LOXHD1: variants seen among roughly 807,000 people sequenced by gnomAD.
LOXHD1 encodes the protein lipoxygenase homology PLAT domains 1, also known as lipoxygenase homology domain-containing protein 1.
LOXHD1 carries 205 observed loss-of-function variants against 248.2 expected under a neutral mutation model. The observed-to-expected ratio is 0.83, with a 90% CI of 0.74 to 0.93. The LOEUF is 0.93. LOXHD1 is among the 40% of genes least tolerant of loss of function. LOXHD1 has a pLI of 0.00. For missense variants in LOXHD1, 2,930 were observed against 2,971.6 expected (o/e 0.99, Z 0.33); for synonymous variants, 1,113 against 1,162.8 (o/e 0.96, Z 0.87).
In LOXHD1 at chr18:46,639,718, G is replaced by A. The variant is rs369244277; in HGVS notation, c.409C>T (p.Arg137Cys). 4.0e-5 allele frequency: 62 copies of A among 1,551,568 alleles called. No individual in the cohort carries two copies. Among genetic ancestry groups the A allele is most frequent in the South Asian group, 5.9e-5 (5 of 84,058 alleles). ...CAGTTGTTGCAGTTGAAGTAGTAAC[G>A]GAGATGAGGCCTCTTCATGTCGGTC... Reference protein sequence around the residue: ...IVTDMKRPHLRYYFNCNNWLS... With the variant: ...IVTDMKRPHLCYYFNCNNWLS... The change falls in exon 4 of 41, where the codon CGT becomes TGT. Residue 137 changes from arginine (R) to cysteine (C), a missense_variant. Transcript: ENST00000642948.
At chr18:46,510,919 A>T (rs1321447311) in intron 34 of LOXHD1, among the ~76,000 whole-genome samples, 1 of 152,246 alleles carries the variant, frequency 6.6e-6, no homozygotes, top group Non-Finnish European at 1.5e-5. Flanking sequence ...CTCATGTCAC[A>T]TTCATGTCAC....
chr18:46,553,439 C>T (rs143855227), intron 21 of LOXHD1, among the ~76,000 whole-genome samples: 167 of 152,298 alleles, frequency 1.1e-3, no homozygotes, highest in African/African-American at 3.7e-3. Flanking sequence ...CCTCCTAGAC[C>T]ATCAGGGTTC....
At chr18:46,614,744 A>T (rs985964417) in intron 5 of LOXHD1, among the ~76,000 whole-genome samples, 1 of 147,428 alleles carries the variant, frequency 6.8e-6, no homozygotes, top group Non-Finnish European at 1.5e-5. Flanking sequence ...AAATAAATAA[A>T]TAACTTTTTA....
intron 17 of LOXHD1, among the ~76,000 whole-genome samples, chr18:46,564,977 G>C (rs2037608044): frequency 6.6e-6 from 1 of 152,148 alleles, no homozygotes; most frequent in Non-Finnish European, 1.5e-5. Context: ...GAAATGCAGA[G>C]GTGAGGCCAG....
chr18:46,581,254 G>A (rs2037955993), intron 12 of LOXHD1, among the ~76,000 whole-genome samples: 1 of 152,200 alleles, frequency 6.6e-6, no homozygotes, highest in Admixed American at 6.5e-5. Flanking sequence ...TAGCAATATA[G>A]TTTGGATGCT....
At chr18:46,598,773 T>C (rs917169781) in intron 8 of LOXHD1, among the ~76,000 whole-genome samples, 3 of 152,104 alleles carry the variant, frequency 2.0e-5, no homozygotes, top group African/African-American at 7.2e-5. Flanking sequence ...TCACAAAATA[T>C]AAAACTATAT....
At chr18:46,622,842 G>A (rs771046975) in intron 4 of LOXHD1, among the ~76,000 whole-genome samples, 9 of 152,214 alleles carry the variant, frequency 5.9e-5, no homozygotes, top group Non-Finnish European at 1.3e-4. Flanking sequence ...GGGACAGAGG[G>A]CAGCACCGCT....
rs551184983 is a variant in LOXHD1 at position 46,597,759 on chromosome 18, CT to C, written c.1135-3294del. ...TGCTACTCATGAACATAGAAAAATT[CT>C]TTTTTTTTTTTTTTGAGATGGAGTC... On this transcript the variant is annotated intron_variant, in intron 8 of 40. Coordinates refer to ENST00000642948, the MANE Select transcript of LOXHD1 (RefSeq NM_001384474.1). 6.8e-3 allele frequency among the ~76,000 whole-genome samples: 955 copies of C among 141,378 alleles called. 4 individuals are homozygous for C. Among genetic ancestry groups the C allele is most frequent in the African/African-American group, 0.015 (593 of 38,802 alleles). 92.7% of individuals were successfully genotyped at this position (141,378 alleles called of 152,430 possible).
chr18:46,577,579 T>G (rs147592692), intron 14 of LOXHD1, 128 bp downstream of exon 14: 3 of 1,100,172 alleles, frequency 2.7e-6, no homozygotes, highest in Non-Finnish European at 3.8e-6. Context: ...GGTCACCTCT[T>G]TCTTGCACCA....
At chr18:46,494,733 G>A (rs557474169) in intron 37 of LOXHD1, among the ~76,000 whole-genome samples, 2 of 152,070 alleles carry the variant, frequency 1.3e-5, no homozygotes, top group African/African-American at 4.8e-5. Context: ...GATTTCTGAG[G>A]TTCTTTACAT....
In LOXHD1 at chr18:46,560,252, C is replaced by G. The variant is rs561687256; in HGVS notation, c.2892G>C (p.Ser964=). Reference sequence around the variant, plus strand: ...CTTCTTCCATCTCCTCCTCCTCTGACGAGGACTCCTCTGATGAGGACGACT... The same window carrying G: ...CTTCTTCCATCTCCTCCTCCTCTGAGGAGGACTCCTCTGATGAGGACGACT... ...EEESSSSEES[S]SEEEEMEEEE... is the part of the protein sequence containing the mutation. The change falls in exon 19 of 41, where the codon TCG becomes TCC. Residue 964 remains serine, a synonymous_variant. Transcript: ENST00000642948. The G allele has an allele frequency of 1.9e-6, 3 of 1,551,366 alleles. No individual in the cohort carries two copies. The highest frequency in any genetic ancestry group is 2.6e-6 in the Non-Finnish European group (3 of 1,146,522).
intron 1 of LOXHD1, among the ~76,000 whole-genome samples, chr18:46,649,867 A>G (rs1375134748): frequency 6.6e-6 from 1 of 152,164 alleles, no homozygotes; most frequent in African/African-American, 2.4e-5. Flanking sequence ...GTACAATTAT[A>G]GCCCTATCGA....
chr18:46,632,639 C>A (rs1187282087), intron 4 of LOXHD1, among the ~76,000 whole-genome samples: 1 of 152,202 alleles, frequency 6.6e-6, no homozygotes, highest in South Asian at 2.1e-4. Context: ...AGAAGGGATG[C>A]CAACAAGCAG....
rs1446324661 is a variant in LOXHD1 at position 46,618,300 on chromosome 18, A to T, written c.512-10T>A. On this transcript the variant is annotated splice_polypyrimidine_tract_variant and intron_variant, in intron 4 of 40. Coordinates refer to ENST00000642948, the MANE Select transcript of LOXHD1 (RefSeq NM_001384474.1). Reference sequence around the variant, plus strand: ...ACTTCATACTTATTACCTAGGAACAAGGAGAGAGAAAAACCTTAGCTCATC... The same window carrying T: ...ACTTCATACTTATTACCTAGGAACATGGAGAGAGAAAAACCTTAGCTCATC... The T allele has an allele frequency of 5.8e-6, 9 of 1,539,426 alleles. No homozygotes were observed. The highest frequency in any genetic ancestry group is 7.9e-6 in the Non-Finnish European group (9 of 1,136,514).
intron 32 of LOXHD1, 111 bp downstream of exon 32, chr18:46,521,990 G>T: frequency 1.2e-6 from 1 of 849,662 alleles, no homozygotes. Flanking sequence ...TCTAAGGGGT[G>T]CTGCAGGTAG....
rs940988053 is a variant in LOXHD1, at chr18:46,572,229, T to C, written c.1971-67A>G. The C allele has an allele frequency of 2.0e-4, 281 of 1,380,928 alleles. 1 individual carries two copies. The African/African-American group carries it at 3.7e-3, about 18-fold the overall frequency. The allele number at this position is 1,380,928 out of a possible 1,614,324, so 85.5% of individuals were successfully genotyped here. ...AGGCAGACAATCAAAGCTTCACCCA[T>C]TCATGCAGAGTCACTATGGAGGCCC... On this transcript the variant is annotated intron_variant, in intron 14 of 40. Transcript: ENST00000642948.
intron 22 of LOXHD1, among the ~76,000 whole-genome samples, chr18:46,546,459 A>G (rs1314548249): frequency 6.6e-6 from 1 of 150,900 alleles, no homozygotes; most frequent in Non-Finnish European, 1.5e-5. Context: ...ATTTCAATAC[A>G]TTCCATTCCA....
At chr18:46,587,170 T>C (rs2038077922) in intron 12 of LOXHD1, among the ~76,000 whole-genome samples, 1 of 152,210 alleles carries the variant, frequency 6.6e-6, no homozygotes, top group African/African-American at 2.4e-5. Flanking sequence ...AAAATTCAAA[T>C]ACTAAATGCT....
Position 46,522,803 on chromosome 18 carries a change from AAC to A in LOXHD1, c.4877-496_4877-495del, listed in dbSNP as rs1362018549. 5.3e-5 allele frequency among the ~76,000 whole-genome samples: 8 copies of A among 152,328 alleles called. 1 individual carries two copies. The highest frequency in any genetic ancestry group is 1.7e-4 in the African/African-American group (7 of 41,564). ...AGTCCTAGAAGACAGCAATTTCCAA[AAC>A]ACACCAGATTAATCAGCATAAAACT... is the stretch of plus-strand genomic sequence containing the variant. On this transcript the variant is annotated intron_variant, in intron 31 of 40. Transcript: ENST00000642948.
Sources: allele counts gnomAD v4.1 joint callset (sites outside exome capture counted in the v4.1 genomes callset), GRCh38; gene constraint gnomAD v4.1.1; transcripts MANE v1.5; gene names NCBI Gene and HGNC (gene_info 2026-07-23, HGNC 2026-07-21).